BMP2K: variants seen among roughly 807,000 people sequenced by gnomAD.
BMP2K encodes BMP2 inducible kinase, also known as BMP-2-inducible protein kinase.
BMP2K carries 74 observed loss-of-function variants against 116.0 expected under a neutral mutation model. The ratio of observed to expected loss-of-function variants is 0.64; its 90% CI spans 0.53 to 0.77. The LOEUF (loss-of-function observed/expected upper bound fraction) is 0.77, where lower values mean the gene tolerates loss of function less well. Among genes scored for constraint, BMP2K ranks in the 30% least tolerant of loss-of-function variants. The pLI is 0.00. For missense variants in BMP2K, 1,365 were observed against 1,403.6 expected, an observed-to-expected ratio of 0.97 and a Z score of 0.44; for synonymous variants, 486 against 502.5, an observed-to-expected ratio of 0.97 and a Z score of 0.44.
chr4:78,872,916 C>T (rs755534717), intron 13 of BMP2K, 118 bp downstream of exon 13: 19 of 1,042,422 alleles, frequency 1.8e-5, no homozygotes, highest in Non-Finnish European at 2.2e-5. Context: ...GTAGAGCCAC[C>T]CATTCTCTCT....
At chr4:78,853,100 C>T (rs759908297) in intron 7 of BMP2K, among the ~76,000 whole-genome samples, 6 of 152,068 alleles carry the variant, frequency 3.9e-5, no homozygotes, top group Non-Finnish European at 5.9e-5. Context: ...TGTATTCATG[C>T]AATGTAGTTG....
chr4:78,853,675 G>A (rs1347127560), intron 7 of BMP2K, among the ~76,000 whole-genome samples: 1 of 152,136 alleles, frequency 6.6e-6, no homozygotes, highest in African/African-American at 2.4e-5. Flanking sequence ...AACAGCCTTG[G>A]ATTGCATCTG....
At chr4:78,859,563 C>T in intron 7 of BMP2K, 21 bp from the exon 8 acceptor site, 6 of 1,530,320 alleles carry the variant, frequency 3.9e-6, no homozygotes, top group Non-Finnish European at 5.4e-6. Flanking sequence ...AACTTCTTAA[C>T]ATTTTGATCT....
intron 1 of BMP2K, among the ~76,000 whole-genome samples, chr4:78,792,168 C>G (rs542739987): frequency 6.6e-6 from 1 of 152,248 alleles, no homozygotes; most frequent in East Asian, 1.9e-4. Flanking sequence ...GAGAAATGTG[C>G]AGAACCTCTG....
chr4:78,798,376 G>A (rs1053706836), intron 1 of BMP2K, among the ~76,000 whole-genome samples: 2 of 152,194 alleles, frequency 1.3e-5, no homozygotes, highest in Admixed American at 6.5e-5. Context: ...GAGGTGGGTC[G>A]AAGGGGACAG....
Position 78,868,301 on chromosome 4 carries a change from C to T in BMP2K, c.1232-2482C>T, listed in dbSNP as rs530734987. Among the ~76,000 whole-genome samples, 9 of 152,146 alleles carry T rather than the reference C, an allele frequency of 5.9e-5. 1 individual carries two copies. The highest frequency in any genetic ancestry group is 1.9e-4 in the East Asian group (1 of 5,184). ...CAAAAGCAGAAACCCCTGATAAACC[C>T]GTCAGATCTCATGAGACTTATTCAC... On this transcript the variant is annotated intron_variant, in intron 10 of 15. Coordinates refer to ENST00000502613, the MANE Select transcript of BMP2K (RefSeq NM_198892.2).
intron 10 of BMP2K, among the ~76,000 whole-genome samples, chr4:78,868,980 G>A (rs1560536964): frequency 6.6e-6 from 1 of 152,146 alleles, no homozygotes. Context: ...CTGGAGGATG[G>A]TGGCCCTCTT....
rs1332649632 is a variant in BMP2K, at chr4:78,833,696, T to C, written c.403+9T>C. The stretch of plus-strand genomic sequence containing the variant: ...AATGGAATATTGTCGAGGTAAGTAT[T>C]TTTTTGCATTTGTACTGTAATAAAA... On this transcript the variant is annotated intron_variant, in intron 3 of 15. Coordinates refer to ENST00000502613, the MANE Select transcript of BMP2K (RefSeq NM_198892.2). The C allele has an allele frequency of 6.3e-7, 1 of 1,581,600 alleles. No individual in the cohort carries two copies. Among genetic ancestry groups the C allele is most frequent in the Non-Finnish European group, 8.6e-7 (1 of 1,161,258 alleles).
rs1734951605 is a variant in BMP2K at position 78,915,384 on chromosome 4, C to G, written c.*3351C>G. ...TTCACGTAAGCACTGTTAGAAGGTA[C>G]AAGTGTATTAATATCACTAGTTTTG... On this transcript the variant is annotated 3_prime_UTR_variant, in exon 16 of 16. Coordinates refer to ENST00000502613, the MANE Select transcript of BMP2K (RefSeq NM_198892.2). 6.6e-6 allele frequency: 1 copy of G among 151,916 alleles called. No individual in the cohort carries two copies. The highest frequency in any genetic ancestry group is 1.5e-5 in the Non-Finnish European group (1 of 67,918). 9.4% of individuals were successfully genotyped at this position (151,916 alleles called of 1,614,324 possible).
intron 1 of BMP2K, among the ~76,000 whole-genome samples, chr4:78,817,731 A>G (rs183452659): frequency 1.3e-5 from 2 of 152,240 alleles, no homozygotes; most frequent in Non-Finnish European, 2.9e-5. Context: ...GGTCGGGGGA[A>G]AGGGAAGGGA....
intron 1 of BMP2K, among the ~76,000 whole-genome samples, chr4:78,797,255 CTGT>C (rs764916894): frequency 2.0e-5 from 3 of 152,098 alleles, no homozygotes; most frequent in Non-Finnish European, 2.9e-5. Context: ...GATGCCAGTT[CTGT>C]TGTTTCCACA....
intron 15 of BMP2K, among the ~76,000 whole-genome samples, chr4:78,902,037 G>T (rs1349908225): frequency 6.6e-6 from 1 of 152,124 alleles, no homozygotes; most frequent in Non-Finnish European, 1.5e-5. Context: ...CAGTCCAAAT[G>T]CTGGGCCATT....
intron 1 of BMP2K, among the ~76,000 whole-genome samples, chr4:78,821,303 C>T (rs546311412): frequency 2.6e-5 from 4 of 152,226 alleles, no homozygotes; most frequent in African/African-American, 4.8e-5. Flanking sequence ...TTTAGTGTGA[C>T]GATGCAGAAA....
At chr4:78,859,384 TC>T in intron 7 of BMP2K, 199 bp from the exon 8 acceptor site, 1 of 402,366 alleles carries the variant, frequency 2.5e-6, no homozygotes, top group South Asian at 6.7e-5. Context: ...CTGTGATTGA[TC>T]TACCCTTAGC....
chr4:78,808,648 G>A (rs28896313), intron 1 of BMP2K, among the ~76,000 whole-genome samples: 2,898 of 152,146 alleles, frequency 0.019, 84 homozygotes, highest in African/African-American at 0.062. Context: ...AAGTTTTGGC[G>A]TGCTGTTTTT....
At chr4:78,888,370 T>A (rs1399855450) in intron 15 of BMP2K, among the ~76,000 whole-genome samples, 4 of 152,214 alleles carry the variant, frequency 2.6e-5, no homozygotes, top group African/African-American at 7.2e-5. Context: ...GGTAATGGAA[T>A]TATTACTGTC....
Position 78,794,860 on chromosome 4 carries a change from C to A in BMP2K, c.178+18139C>A, listed in dbSNP as rs558232261. The stretch of plus-strand genomic sequence containing the variant: ...TTACAGGTGTGAGCCACCATGCCAG[C>A]CGTCATAAAGTTATGGGATGTTTGA... On this transcript the variant is annotated intron_variant, in intron 1 of 15. Coordinates refer to ENST00000502613, the MANE Select transcript of BMP2K (RefSeq NM_198892.2). Among the ~76,000 whole-genome samples, 290 of 152,246 alleles carry A rather than the reference C, an allele frequency of 1.9e-3. 1 individual carries two copies. Among genetic ancestry groups the A allele is most frequent in the Non-Finnish European group, 1.4e-3 (98 of 68,000 alleles).
chr4:78,858,712 T>TA (rs1731620128), intron 7 of BMP2K, among the ~76,000 whole-genome samples: 1 of 151,908 alleles, frequency 6.6e-6, no homozygotes, highest in Non-Finnish European at 1.5e-5. Flanking sequence ...TTAGCAAACT[T>TA]AAGAATATCT....
chr4:78,910,243 G>A (rs1164606636), intron 15 of BMP2K, among the ~76,000 whole-genome samples: 2 of 152,196 alleles, frequency 1.3e-5, no homozygotes, highest in East Asian at 1.9e-4. Flanking sequence ...GGAGGTATTT[G>A]GTGAATGTGA....
Sources: gnomAD v4.1 joint callset for allele counts (sites outside exome capture counted in the v4.1 genomes callset) on GRCh38, gnomAD v4.1.1 for gene constraint, MANE v1.5 for transcripts, NCBI Gene and HGNC (gene_info 2026-07-23, HGNC 2026-07-21) for gene names.